CTNND2: variants seen among roughly 807,000 people sequenced by gnomAD.
The protein encoded by CTNND2 is catenin delta 2, also known as catenin delta-2.
CTNND2 carries 22 observed loss-of-function variants against 144.4 expected under a neutral mutation model. The ratio of observed to expected loss-of-function variants is 0.15; its 90% CI spans 0.11 to 0.22. The LOEUF is 0.22. Among genes scored for constraint, CTNND2 ranks in the 10% least tolerant of loss-of-function variants. CTNND2 has a pLI of 1.00. For missense variants in CTNND2, 1,353 were observed against 1,618.8 expected, an observed-to-expected ratio of 0.84 and a Z score of 2.82; for synonymous variants, 751 against 695.6, an observed-to-expected ratio of 1.08 and a Z score of -1.25.
chr5:11,109,850 A>T (rs1290345752), intron 14 of CTNND2, among the ~76,000 whole-genome samples: 2 of 152,216 alleles, frequency 1.3e-5, no homozygotes, highest in Admixed American at 1.3e-4. Flanking sequence ...TTTTCAAGAA[A>T]CACATATATT....
intron 11 of CTNND2, among the ~76,000 whole-genome samples, chr5:11,188,116 G>T (rs1385655310): frequency 2.0e-5 from 3 of 151,970 alleles, no homozygotes; most frequent in Non-Finnish European, 4.4e-5. Context: ...ATACTCAAAG[G>T]AATAAAAATC....
chr5:11,509,958 G>T (rs1248110447), intron 3 of CTNND2, among the ~76,000 whole-genome samples: 8 of 152,110 alleles, frequency 5.3e-5, no homozygotes, highest in Admixed American at 4.6e-4. Context: ...TAGAGACAGG[G>T]TCTCGCTCTG....
chr5:11,697,148 A>T (rs1290009599), intron 2 of CTNND2, among the ~76,000 whole-genome samples: 1 of 152,226 alleles, frequency 6.6e-6, no homozygotes, highest in Non-Finnish European at 1.5e-5. Flanking sequence ...TAAATATGTA[A>T]ATGTCTGCAG....
intron 16 of CTNND2, among the ~76,000 whole-genome samples, chr5:11,063,733 T>G (rs1448819297): frequency 6.6e-6 from 1 of 151,736 alleles, no homozygotes; most frequent in African/African-American, 2.4e-5. Flanking sequence ...TGTGTCAGTT[T>G]TATTTTTAAA....
intron 2 of CTNND2, among the ~76,000 whole-genome samples, chr5:11,572,394 T>C (rs907355201): frequency 6.6e-6 from 1 of 152,194 alleles, no homozygotes; most frequent in African/African-American, 2.4e-5. Context: ...CCTAGTTCTA[T>C]TTTGAGCAAA....
At chr5:11,150,617 C>CTTTT (rs10602477) in intron 12 of CTNND2, among the ~76,000 whole-genome samples, 5 of 72,066 alleles carry the variant, frequency 6.9e-5, no homozygotes, top group Non-Finnish European at 1.0e-4. Flanking sequence ...CTGCTGCCTT[C>CTTTT]TTTTTTTTTT....
chr5:11,434,197 C>T (rs988648087), intron 3 of CTNND2, among the ~76,000 whole-genome samples: 2 of 152,140 alleles, frequency 1.3e-5, no homozygotes, highest in African/African-American at 2.4e-5. Flanking sequence ...CAAAGCTTCC[C>T]GCTCAGTGAA....
At chr5:11,359,796 G>A (rs1449876957) in intron 8 of CTNND2, among the ~76,000 whole-genome samples, 1 of 152,188 alleles carries the variant, frequency 6.6e-6, no homozygotes, top group Non-Finnish European at 1.5e-5. Flanking sequence ...ACGTAGGTCT[G>A]GGGCAGGAGG....
chr5:11,511,611 AAAT>A (rs1771655681), intron 3 of CTNND2, among the ~76,000 whole-genome samples: 1 of 152,154 alleles, frequency 6.6e-6, no homozygotes, highest in Non-Finnish European at 1.5e-5. Context: ...ATCTTATCCC[AAAT>A]AATTATTATT....
chr5:11,896,779 T>C (rs1737429249), intron 1 of CTNND2, among the ~76,000 whole-genome samples: 1 of 152,156 alleles, frequency 6.6e-6, no homozygotes, highest in Non-Finnish European at 1.5e-5. Flanking sequence ...TTCAATATAG[T>C]TATTTGCCTT....
At chr5:11,858,980 C>G (rs952879639) in intron 1 of CTNND2, among the ~76,000 whole-genome samples, 1 of 152,208 alleles carries the variant, frequency 6.6e-6, no homozygotes, top group African/African-American at 2.4e-5. Context: ...TAATATGTCA[C>G]AAACTTATAT....
chr5:11,335,854 T>C (rs1753677405), intron 9 of CTNND2, among the ~76,000 whole-genome samples: 2 of 152,092 alleles, frequency 1.3e-5, no homozygotes, highest in African/African-American at 2.4e-5. Context: ...GTGGGCCAAG[T>C]CTTTGTTTGC....
chr5:11,635,196 A>C (rs1445762624), intron 2 of CTNND2, among the ~76,000 whole-genome samples: 1 of 152,164 alleles, frequency 6.6e-6, no homozygotes. Context: ...TTGAGAAACA[A>C]GATGGAATAT....
chr5:11,903,898 C>A lies in CTNND2; in HGVS notation c.-45G>T. 2.1e-6 allele frequency: 3 copies of A among 1,405,448 alleles called. No individual in the cohort carries two copies. Among genetic ancestry groups the A allele is most frequent in the Non-Finnish European group, 1.8e-6 (2 of 1,087,016 alleles). 87.1% of individuals were successfully genotyped at this position (1,405,448 alleles called of 1,614,324 possible). A position where few individuals can be genotyped will look rare whatever the true frequency, so the allele number is the denominator to read the frequency against. On this transcript the variant is annotated 5_prime_UTR_variant, in exon 1 of 22. Coordinates refer to ENST00000304623, the MANE Select transcript of CTNND2 (RefSeq NM_001332.4). This position sits in a 1 kb window ranked among gnomAD's most constrained non-coding sequence, Gnocchi z 5.4. ...GCTCCTCAGTCCGGGAAGAGGCGTGCGCGGCGCCGCCCGGCTTCAGGGCAA... is the reference window on the plus strand; with the variant it reads ...GCTCCTCAGTCCGGGAAGAGGCGTGAGCGGCGCCGCCCGGCTTCAGGGCAA...
chr5:11,429,993 T>C (rs1159975397), intron 3 of CTNND2, among the ~76,000 whole-genome samples: 1 of 152,138 alleles, frequency 6.6e-6, no homozygotes, highest in African/African-American at 2.4e-5. Flanking sequence ...GGCTCATGCC[T>C]GTAATCCCAG....
intron 13 of CTNND2, among the ~76,000 whole-genome samples, chr5:11,111,764 G>T (rs1753008705): frequency 6.6e-6 from 1 of 152,108 alleles, no homozygotes; most frequent in African/African-American, 2.4e-5. Flanking sequence ...GTCATAACAG[G>T]TCCCACATCT....
At chr5:11,130,902 G>A (rs914234316) in intron 12 of CTNND2, among the ~76,000 whole-genome samples, 3 of 152,058 alleles carry the variant, frequency 2.0e-5, no homozygotes, top group Admixed American at 6.6e-5. Context: ...ATTGAAAGCC[G>A]CCCATATCTA....
At chr5:11,073,539 T>G (rs537708856) in intron 16 of CTNND2, among the ~76,000 whole-genome samples, 6 of 152,246 alleles carry the variant, frequency 3.9e-5, no homozygotes, top group Admixed American at 1.3e-4. Flanking sequence ...GGACAAATCA[T>G]TAATTCTTAT....
At chr5:11,433,670 A>G (rs773027400) in intron 3 of CTNND2, among the ~76,000 whole-genome samples, 2 of 152,180 alleles carry the variant, frequency 1.3e-5, no homozygotes, top group Admixed American at 6.5e-5. Context: ...CTTTTAAACA[A>G]GCAGATCTTC....
Sources: gnomAD v4.1 joint callset for allele counts (sites outside exome capture counted in the v4.1 genomes callset) on GRCh38, gnomAD v4.1.1 for gene constraint, Gnocchi (gnomAD v3.1) non-coding constraint, MANE v1.5 for transcripts, NCBI Gene and HGNC (gene_info 2026-07-23, HGNC 2026-07-21) for gene names.